C22orf42: variants seen among roughly 807,000 people sequenced by gnomAD.
The protein encoded by C22orf42 is chromosome 22 open reading frame 42.
Under a neutral mutation model 31.4 loss-of-function variants are expected in C22orf42, and 24 were observed. The observed-to-expected ratio is 0.77, with a 90% CI of 0.55 to 1.08. The LOEUF (loss-of-function observed/expected upper bound fraction) is 1.08. C22orf42 is among the 50% of genes least tolerant of loss of function. C22orf42 has a pLI of 0.00. For synonymous variants in C22orf42, 96 were observed against 112.7 expected (o/e 0.85, Z 0.94); for missense variants, 276 against 327.3 (o/e 0.84, Z 1.21).
In C22orf42 at chr22:32,159,001, A is replaced by G; in HGVS notation, c.215T>C (p.Met72Thr). The G allele has an allele frequency of 6.2e-7, 1 of 1,604,276 alleles. No individual in the cohort carries two copies. Among genetic ancestry groups the G allele is most frequent in the East Asian group, 2.2e-5 (1 of 44,786 alleles). Residue 72 changes from methionine to threonine, a missense_variant, in exon 1 of 9, where the codon ATG (methionine) becomes ACG (threonine). Met to Thr is a moderately conservative substitution (Grantham distance 81). Transcript: ENST00000382097. ...QYLSLPKTPK[M>T]LKMSKGLDAR... Reference sequence around the variant, plus strand: ...TTCTTTACCTTTGGACATCTTCAGCATCTTCGGCGTCTTCGGGAGGCTGAG... The same window carrying G: ...TTCTTTACCTTTGGACATCTTCAGCGTCTTCGGCGTCTTCGGGAGGCTGAG...
intron 1 of C22orf42, among the ~76,000 whole-genome samples, chr22:32,156,237 A>G (rs1921252672): frequency 1.3e-5 from 2 of 152,174 alleles, no homozygotes; most frequent in Admixed American, 1.3e-4. Flanking sequence ...TACATTCTTG[A>G]TCTGACATTT....
chr22:32,149,655 A>G, intron 8 of C22orf42, 42 bp from the exon 9 acceptor site: 1 of 1,194,564 alleles, frequency 8.4e-7, no homozygotes, highest in Non-Finnish European at 1.1e-6. Context: ...AAAAAAATAT[A>G]TATATATATA....
intron 5 of C22orf42, 64 bp downstream of exon 5, chr22:32,151,423 A>T (rs1920975766): frequency 6.8e-7 from 1 of 1,477,276 alleles, no homozygotes; most frequent in African/African-American, 1.4e-5. Flanking sequence ...TATTCATTTG[A>T]TATTCTAGAA....
At chr22:32,156,271 C>T (rs947372684) in intron 1 of C22orf42, among the ~76,000 whole-genome samples, 14 of 152,142 alleles carry the variant, frequency 9.2e-5, no homozygotes, top group African/African-American at 3.4e-4. Context: ...TTGAAAAACT[C>T]ACTTTATACT....
chr22:32,159,290 G>T lies in C22orf42; in HGVS notation c.-75C>A. On this transcript the variant is annotated 5_prime_UTR_variant, in exon 1 of 9. Transcript: ENST00000382097. ...AGTCGGAGCTCCTCCTCCTTCTACG[G>T]CCAGCTACCGACTGAAGGCTGCTGG... 6.4e-7 allele frequency: 1 copy of T among 1,561,140 alleles called. No homozygotes were observed.
At chr22:32,151,695 T>G (rs1920986247) in intron 4 of C22orf42, 144 bp from the exon 5 acceptor site, 1 of 786,656 alleles carries the variant, frequency 1.3e-6, no homozygotes, top group East Asian at 2.5e-5. Flanking sequence ...ACCATTCTCC[T>G]TGGTGCTGAA....
intron 1 of C22orf42, 74 bp downstream of exon 1, chr22:32,158,910 G>A: frequency 6.6e-7 from 1 of 1,516,536 alleles, no homozygotes; most frequent in South Asian, 1.2e-5. Flanking sequence ...CTGAGGGTGA[G>A]GGACTGCAAA....
At chr22:32,152,440 T>C (rs1403769933) in intron 3 of C22orf42, 122 bp downstream of exon 3, 3 of 860,400 alleles carry the variant, frequency 3.5e-6, no homozygotes, top group South Asian at 3.1e-5. Context: ...GACCGGTCTC[T>C]AGAGTCCATG....
chr22:32,159,174 G>T lies in C22orf42; in HGVS notation c.42C>A (p.Gly14=). The T allele has an allele frequency of 3.1e-6, 5 of 1,613,996 alleles. No individual in the cohort carries two copies. In the African/African-American group the frequency reaches 6.7e-5, roughly 22 times the overall value. ...CTGGCCTGCAGCAGTCACAGTTGAGGCCCCCGCTGGGGCCCAGGCAGCAAG... is the reference window on the plus strand; with the variant it reads ...CTGGCCTGCAGCAGTCACAGTTGAGTCCCCCGCTGGGGCCCAGGCAGCAAG... ...KLTCCLGPSG[G]LNCDCCRPDV... is the part of the protein sequence containing the mutation. The change falls in exon 1 of 9, where the codon GGC becomes GGA. Residue 14 remains glycine, a synonymous_variant. Transcript: ENST00000382097.
Position 32,149,757 on chromosome 22 carries a change from G to T in C22orf42, c.678C>A (p.Tyr226Ter). ...PEMAKERYED[Y>*]LCWVKMARSR... ...TCTAGATATATATATACTTACAGAGGTAATCTTCATATCTCTCCTTTGCCT... is the reference window on the plus strand; with the variant it reads ...TCTAGATATATATATACTTACAGAGTTAATCTTCATATCTCTCCTTTGCCT... Residue 226 changes from tyrosine (Y) to a stop codon, truncating the protein, a stop_gained, in exon 8 of 9, where the codon TAC (tyrosine) becomes TAA (stop). Transcript: ENST00000382097. LOFTEE classifies it high-confidence loss of function. 3 of 1,451,458 alleles carry T rather than the reference G, an allele frequency of 2.1e-6. No homozygotes were observed. The highest frequency in any genetic ancestry group is 2.3e-5 in the Admixed American group (1 of 43,142). The allele number at this position is 1,451,458 out of a possible 1,614,324, so 89.9% of individuals were successfully genotyped here.
In C22orf42 at chr22:32,154,227, T is replaced by C. The variant is rs762757719; in HGVS notation, c.307+17A>G. The C allele has an allele frequency of 3.7e-6, 6 of 1,607,842 alleles. No individual in the cohort carries two copies. The East Asian group carries it at 1.1e-4, about 30-fold the overall frequency. Reference sequence around the variant, plus strand: ...TTGTTTGCTTAAATGAACTTAATGATTTAATTTCCACATTACCTATATTTT... The same window carrying C: ...TTGTTTGCTTAAATGAACTTAATGACTTAATTTCCACATTACCTATATTTT... On this transcript the variant is annotated intron_variant, in intron 2 of 8. Transcript: ENST00000382097.
chr22:32,149,641 C>CA (rs142171049), intron 8 of C22orf42, 28 bp from the exon 9 acceptor site: 187,794 of 1,203,686 alleles, frequency 0.16, 4,478 homozygotes, highest in African/African-American at 0.2. Context: ...GACTTCATCT[C>CA]AAAAAAAAAA....
In C22orf42 at chr22:32,150,362, T is replaced by G; in HGVS notation, c.611A>C (p.Glu204Ala). 1 of 1,614,162 alleles carries G rather than the reference T, an allele frequency of 6.2e-7. No homozygotes were observed. Among genetic ancestry groups the G allele is most frequent in the Non-Finnish European group, 8.5e-7 (1 of 1,180,000 alleles). Residue 204 changes from glutamate (E) to alanine (A), a missense_variant, in exon 7 of 9, where the codon GAA becomes GCA. Transcript: ENST00000382097. ...GTCTTCAAGAGAGACAGATAGGCTT[T>G]CACTGAGACCTGATGTCATGAAGTC... ...LEDFMTSGLS[E>A]SLSVSLEDLM...
chr22:32,156,765 T>C (rs1044769369), intron 1 of C22orf42, among the ~76,000 whole-genome samples: 1 of 147,310 alleles, frequency 6.8e-6, no homozygotes, highest in African/African-American at 2.6e-5. Context: ...TACTAGACAT[T>C]TCAGTTATTT....
At chr22:32,156,924 G>A (rs917848621) in intron 1 of C22orf42, among the ~76,000 whole-genome samples, 2 of 152,196 alleles carry the variant, frequency 1.3e-5, no homozygotes, top group African/African-American at 2.4e-5. Flanking sequence ...CCTTCGTGGA[G>A]TCGAGCCATT....
intron 1 of C22orf42, among the ~76,000 whole-genome samples, chr22:32,158,683 C>A (rs1160113456): frequency 1.3e-5 from 2 of 152,112 alleles, no homozygotes; most frequent in African/African-American, 4.8e-5. Context: ...ACTTAGGTAC[C>A]AGACCAGCTG....
chr22:32,153,251 A>G (rs1402242066), intron 2 of C22orf42, among the ~76,000 whole-genome samples: 2 of 152,224 alleles, frequency 1.3e-5, no homozygotes, highest in Admixed American at 1.3e-4. Flanking sequence ...AATGGAATAG[A>G]AAACAGGAAA....
chr22:32,160,203 A>T (rs539781551), upstream of C22orf42: 11 of 152,304 alleles, frequency 7.2e-5, no homozygotes, highest in African/African-American at 2.6e-4. Context: ...TGGGGCCAGA[A>T]TTTAATCCTG....
chr22:32,152,074 G>A lies in C22orf42; in HGVS notation c.393C>T (p.His131=), dbSNP rs372759024. ...TAAAAAAAAAATACGTACGGTGGTC[G>A]TGCTTGGCCTCAGGTATTTCCTGCA... The part of the protein sequence containing the change: ...TSDIEIPEAK[H]DHRPTEDVQV... The change falls in exon 4 of 9, where the codon CAC becomes CAT. Residue 131 remains histidine (H), a synonymous_variant. Coordinates refer to ENST00000382097, the MANE Select transcript of C22orf42 (RefSeq NM_001010859.3). 2.7e-5 allele frequency: 44 copies of A among 1,606,680 alleles called. No individual in the cohort carries two copies. The highest frequency in any genetic ancestry group is 5.4e-5 in the African/African-American group (4 of 74,176).
Sources: allele counts gnomAD v4.1 joint callset (sites outside exome capture counted in the v4.1 genomes callset), GRCh38; gene constraint gnomAD v4.1.1; transcripts MANE v1.5; gene names NCBI Gene and HGNC (gene_info 2026-07-23, HGNC 2026-07-21).